The following LYPLAL1 variants were observed in gnomAD, a reference collection of about 807,000 sequenced individuals.
LYPLAL1 encodes the protein lysophospholipase like 1.
A neutral mutation model predicts 19.7 loss-of-function variants in LYPLAL1; 23 were observed. The observed-to-expected ratio is 1.17, with a 90% CI of 0.84 to 1.65. The LOEUF is 1.65. LYPLAL1 is among the 40% of genes most tolerant of loss of function. The probability of loss-of-function intolerance (pLI) is 0.00; values close to 1 mark genes in which losing one functional copy is unlikely to be tolerated. For missense variants in LYPLAL1, 355 were observed against 279.4 expected (o/e 1.27, Z -1.93); for synonymous variants, 119 against 96.3 (o/e 1.24, Z -1.38).
At chr1:219,365,631 C>T in the LYPLAL1 span, among the ~76,000 whole-genome samples, 1 of 152,100 alleles carries the variant, frequency 6.6e-6, no homozygotes, top group Non-Finnish European at 1.5e-5. Flanking sequence ...CCAGACCAGA[C>T]CCCCTCTTCA....
At chr1:219,285,840 A>T in the LYPLAL1 span, among the ~76,000 whole-genome samples, 3 of 152,190 alleles carry the variant, frequency 2.0e-5, no homozygotes, top group Non-Finnish European at 4.4e-5. Context: ...ATATCACTGA[A>T]TTGTGCACTT....
chr1:219,279,709 A>G, the LYPLAL1 span, among the ~76,000 whole-genome samples: 1 of 152,126 alleles, frequency 6.6e-6, no homozygotes, highest in Non-Finnish European at 1.5e-5. Flanking sequence ...TTTTTATAGG[A>G]TGTTTGTTTA....
At chr1:219,242,933 C>T in the LYPLAL1 span, among the ~76,000 whole-genome samples, 6 of 152,230 alleles carry the variant, frequency 3.9e-5, no homozygotes, top group South Asian at 1.2e-3. Flanking sequence ...GGCTAAGGAG[C>T]ACCAGTGTGT....
the LYPLAL1 span, among the ~76,000 whole-genome samples, chr1:219,372,010 T>C: frequency 2.6e-5 from 4 of 152,220 alleles, no homozygotes; most frequent in African/African-American, 7.2e-5. Context: ...TCCCTGTTCC[T>C]TGAACACCCC....
chr1:219,259,908 T>C, the LYPLAL1 span, among the ~76,000 whole-genome samples: 1 of 150,618 alleles, frequency 6.6e-6, no homozygotes, highest in African/African-American at 2.4e-5. Flanking sequence ...TTAATGAATA[T>C]GACTAAAAGA....
At chr1:219,324,941 A>G in the LYPLAL1 span, among the ~76,000 whole-genome samples, 5 of 152,316 alleles carry the variant, frequency 3.3e-5, no homozygotes, top group African/African-American at 1.2e-4. Context: ...TCAAGCTGAC[A>G]TGCTGTTCAT....
At chr1:219,225,681 C>T in the LYPLAL1 span, among the ~76,000 whole-genome samples, 1 of 152,106 alleles carries the variant, frequency 6.6e-6, no homozygotes, top group Non-Finnish European at 1.5e-5. Context: ...TGGTCTGTTC[C>T]ACCACCTAAT....
chr1:219,240,097 C>T, the LYPLAL1 span, among the ~76,000 whole-genome samples: 1 of 152,206 alleles, frequency 6.6e-6, no homozygotes, highest in African/African-American at 2.4e-5. Context: ...TAGCATATTA[C>T]ACTACAGTTG....
At chr1:219,321,604 G>A in the LYPLAL1 span, among the ~76,000 whole-genome samples, 47 of 152,036 alleles carry the variant, frequency 3.1e-4, no homozygotes, top group Non-Finnish European at 4.4e-4. Context: ...AATCCATCTT[G>A]AATTAATTTT....
the LYPLAL1 span, among the ~76,000 whole-genome samples, chr1:219,300,151 T>G: frequency 6.6e-6 from 1 of 152,030 alleles, no homozygotes; most frequent in Non-Finnish European, 1.5e-5. Context: ...GCCCACCTAA[T>G]ATGTTTAGTT....
the LYPLAL1 span, among the ~76,000 whole-genome samples, chr1:219,335,296 A>C: frequency 1.3e-5 from 2 of 151,928 alleles, no homozygotes; most frequent in Non-Finnish European, 2.9e-5. Context: ...TATATTTTTC[A>C]GGGTAAGAAC....
chr1:219,284,322 T>C, the LYPLAL1 span, among the ~76,000 whole-genome samples: 38 of 152,170 alleles, frequency 2.5e-4, no homozygotes, highest in Non-Finnish European at 4.4e-5. Context: ...ACCAGAATCA[T>C]TAGAGATCAA....
At chr1:219,437,751 A>ATTTAT in the LYPLAL1 span, among the ~76,000 whole-genome samples, 71,313 of 143,428 alleles carry the variant, frequency 0.5, 18,380 homozygotes, top group South Asian at 0.54. Flanking sequence ...ATTTTATTGT[A>ATTTAT]TTTATTTTAT....
the LYPLAL1 span, among the ~76,000 whole-genome samples, chr1:219,242,329 A>G: frequency 3.9e-5 from 6 of 152,168 alleles, no homozygotes; most frequent in African/African-American, 1.4e-4. Context: ...TGTTATTGCA[A>G]AGTTGGCATA....
the LYPLAL1 span, among the ~76,000 whole-genome samples, chr1:219,244,312 T>C: frequency 2.0e-5 from 3 of 152,180 alleles, no homozygotes; most frequent in Admixed American, 2.0e-4. Context: ...GGTAGGGCAG[T>C]GGTTTATAGA....
the LYPLAL1 span, among the ~76,000 whole-genome samples, chr1:219,256,569 G>A: frequency 6.6e-6 from 1 of 151,122 alleles, no homozygotes; most frequent in Non-Finnish European, 1.5e-5. Context: ...TCCTTTGATT[G>A]CACTTTAGTT....
At chr1:219,218,570 T>C in the LYPLAL1 span, among the ~76,000 whole-genome samples, 12 of 152,098 alleles carry the variant, frequency 7.9e-5, no homozygotes, top group African/African-American at 2.4e-4. Flanking sequence ...CAAGACAATC[T>C]TCTTCCAGTG....
At chr1:219,426,670 C>T in the LYPLAL1 span, among the ~76,000 whole-genome samples, 1 of 152,032 alleles carries the variant, frequency 6.6e-6, no homozygotes, top group Non-Finnish European at 1.5e-5. Flanking sequence ...ATGATCTCAG[C>T]TCACTGCAAC....
intron 2 of LYPLAL1, among the ~76,000 whole-genome samples, chr1:219,189,538 C>T (rs1423806084): frequency 1.3e-5 from 2 of 151,524 alleles, no homozygotes; most frequent in African/African-American, 4.8e-5. Flanking sequence ...TGCTTTCTGC[C>T]TTCTCTCCCC....
Sources: allele counts gnomAD v4.1 joint callset (sites outside exome capture counted in the v4.1 genomes callset), GRCh38; gene constraint gnomAD v4.1.1; transcripts MANE v1.5; gene names NCBI Gene and HGNC (gene_info 2026-07-23, HGNC 2026-07-21).